ZNF92: variants seen among roughly 807,000 people sequenced by gnomAD.
ZNF92 encodes zinc finger protein 92.
In ZNF92, 11 loss-of-function variants were observed where a neutral mutation model predicts 12.4. The ratio of observed to expected loss-of-function variants is 0.89; its 90% CI spans 0.56 to 1.47. ZNF92 has a LOEUF of 1.47. ZNF92 is among the 40% of genes most tolerant of loss of function. The probability of loss-of-function intolerance (pLI) is 0.00; values close to 1 mark genes in which losing one functional copy is unlikely to be tolerated. For missense variants in ZNF92, 622 were observed against 681.0 expected (o/e 0.91, Z 0.96); for synonymous variants, 206 against 228.6 (o/e 0.90, Z 0.89).
At chr7:65,392,826 C>A (rs143550689) in intron 3 of ZNF92, among the ~76,000 whole-genome samples, 1 of 151,952 alleles carries the variant, frequency 6.6e-6, no homozygotes, top group African/African-American at 2.4e-5. Flanking sequence ...AGTGAGCCAC[C>A]GTGCCCGGCC....
intron 1 of ZNF92, among the ~76,000 whole-genome samples, chr7:65,377,367 TAGA>T (rs1048981078): frequency 6.6e-6 from 1 of 151,826 alleles, no homozygotes; most frequent in Non-Finnish European, 1.5e-5. Flanking sequence ...ACCCCAGCCA[TAGA>T]AGAAGTCTTT....
Position 65,400,042 on chromosome 7 carries a change from GC to G in ZNF92, c.*168del, listed in dbSNP as rs1793971197. On this transcript the variant is annotated 3_prime_UTR_variant, in exon 4 of 4. Coordinates refer to ENST00000328747, the MANE Select transcript of ZNF92 (RefSeq NM_152626.4). ...AAATCCTCCAAGTATGAAGAATGTG[GC>G]AAACTTTTAACCAATCCTCACACCT... is the stretch of plus-strand genomic sequence containing the variant. 1 of 622,854 alleles carries G rather than the reference GC, an allele frequency of 1.6e-6. No homozygotes were observed. The highest frequency in any genetic ancestry group is 2.6e-6 in the Non-Finnish European group (1 of 386,338). The allele number at this position is 622,854 out of a possible 1,614,324, so 38.6% of individuals were successfully genotyped here.
At chr7:65,382,275 A>T (rs1205234371) in intron 1 of ZNF92, among the ~76,000 whole-genome samples, 1 of 152,036 alleles carries the variant, frequency 6.6e-6, no homozygotes, top group African/African-American at 2.4e-5. Flanking sequence ...TAATTGTGTA[A>T]TAAAACAGTT....
Position 65,398,347 on chromosome 7 carries a change from G to A in ZNF92, c.233G>A (p.Cys78Tyr), listed in dbSNP as rs754815456. 1 of 1,544,638 alleles carries A rather than the reference G, an allele frequency of 6.5e-7. No individual in the cohort carries two copies. Among genetic ancestry groups the A allele is most frequent in the East Asian group, 2.3e-5 (1 of 44,220 alleles). The change falls in exon 4 of 4, where the codon TGT becomes TAT. Residue 78 changes from cysteine (C) to tyrosine (Y), a missense_variant. Cys to Tyr is a radical substitution (Grantham distance 194, BLOSUM62 -2). Coordinates refer to ENST00000328747, the MANE Select transcript of ZNF92 (RefSeq NM_152626.4). The stretch of plus-strand genomic sequence containing the variant: ...TTATTTTTATTTTTTTCAGTTATGT[G>A]TTCTCATTTTGCCCAAGATGTTTGG... The part of the protein sequence containing the change: ...HEMVDKTPVM[C>Y]SHFAQDVWPE...
At chr7:65,374,120 T>C in intron 1 of ZNF92, 120 bp downstream of exon 1, 5 of 1,397,952 alleles carry the variant, frequency 3.6e-6, no homozygotes, top group Non-Finnish European at 5.0e-6. Flanking sequence ...CGGCCCGAGT[T>C]CTCCTTGGCG....
In ZNF92 at chr7:65,373,920, C is replaced by CT. The variant is rs1294530469; in HGVS notation, c.-77dup. 1.3e-6 allele frequency: 2 copies of CT among 1,599,610 alleles called. No individual in the cohort carries two copies. The highest frequency in any genetic ancestry group is 2.7e-5 in the African/African-American group (2 of 74,750). On this transcript the variant is annotated 5_prime_UTR_variant, in exon 1 of 4. Transcript: ENST00000328747. ...GCTCTGCGTCCTGTGCTGATAAAGG[C>CT]TCGCCGCTGTGACCCTGTTACCTGC...
chr7:65,374,026 G>C, intron 1 of ZNF92, 26 bp downstream of exon 1: 1 of 1,614,054 alleles, frequency 6.2e-7, no homozygotes, highest in Non-Finnish European at 8.5e-7. Context: ...CCCACATCCC[G>C]AGAGAGGGGG....
rs1401267221 is a variant in ZNF92, at chr7:65,373,978, G to T, written c.-20G>T. 3.1e-6 allele frequency: 5 copies of T among 1,614,028 alleles called. No individual in the cohort carries two copies. The highest frequency in any genetic ancestry group is 4.2e-6 in the Non-Finnish European group (5 of 1,180,018). On this transcript the variant is annotated 5_prime_UTR_variant, in exon 1 of 4. Coordinates refer to ENST00000328747, the MANE Select transcript of ZNF92 (RefSeq NM_152626.4). ...TGGAGGTTCACAGCTAAGACGCCAG[G>T]ACCCCCTGGAAGCCTAGAAATGGTG...
In ZNF92 at chr7:65,400,403, GA is replaced by G. The variant is rs1793982777; in HGVS notation, c.*533del. On this transcript the variant is annotated 3_prime_UTR_variant, in exon 4 of 4. Transcript: ENST00000328747. ...AAACCCTGCAAATGTAATAAATATG[GA>G]AAAACATTTTTTCAAAAACTACAGC... is the stretch of plus-strand genomic sequence containing the variant. The G allele has an allele frequency of 6.6e-6, 1 of 151,888 alleles. No homozygotes were observed. Among genetic ancestry groups the G allele is most frequent in the Non-Finnish European group, 1.5e-5 (1 of 67,916 alleles). 9.4% of individuals were successfully genotyped at this position (151,888 alleles called of 1,614,324 possible).
At chr7:65,380,028 C>T (rs1793363584) in intron 1 of ZNF92, among the ~76,000 whole-genome samples, 1 of 152,016 alleles carries the variant, frequency 6.6e-6, no homozygotes, top group African/African-American at 2.4e-5. Flanking sequence ...CCACCCTCTA[C>T]CCTCAACTAG....
chr7:65,387,110 T>G (rs1793588933), intron 1 of ZNF92, among the ~76,000 whole-genome samples: 1 of 151,524 alleles, frequency 6.6e-6, no homozygotes, highest in South Asian at 2.1e-4. Flanking sequence ...CGGCTAATTT[T>G]TTGTATTTTT....
At chr7:65,380,297 G>T (rs1320516828) in intron 1 of ZNF92, among the ~76,000 whole-genome samples, 3 of 152,002 alleles carry the variant, frequency 2.0e-5, no homozygotes, top group Admixed American at 6.6e-5. Context: ...GTCTCACTCT[G>T]TCGCCCAGGC....
chr7:65,375,714 G>T (rs1043815202), intron 1 of ZNF92, among the ~76,000 whole-genome samples: 1 of 151,812 alleles, frequency 6.6e-6, no homozygotes, highest in Non-Finnish European at 1.5e-5. Flanking sequence ...CAGGCATGGT[G>T]GTGCATGCCT....
chr7:65,376,672 C>G (rs970438220), intron 1 of ZNF92, among the ~76,000 whole-genome samples: 1 of 152,072 alleles, frequency 6.6e-6, no homozygotes, highest in Non-Finnish European at 1.5e-5. Flanking sequence ...GTCTTGAACT[C>G]CTGACCTCGT....
chr7:65,384,052 T>G (rs1016820794), intron 1 of ZNF92, among the ~76,000 whole-genome samples: 7 of 152,146 alleles, frequency 4.6e-5, no homozygotes, highest in Admixed American at 2.0e-4. Context: ...ATCATTTGAA[T>G]GGATGTTTAT....
intron 1 of ZNF92, among the ~76,000 whole-genome samples, chr7:65,382,261 G>A (rs1460445641): frequency 1.3e-5 from 2 of 151,770 alleles, no homozygotes; most frequent in Non-Finnish European, 2.9e-5. Flanking sequence ...GTCACATTCT[G>A]GTGTAATTGT....
intron 1 of ZNF92, among the ~76,000 whole-genome samples, chr7:65,379,360 G>T (rs150739006): frequency 6.6e-6 from 1 of 152,064 alleles, no homozygotes; most frequent in Non-Finnish European, 1.5e-5. Flanking sequence ...CGGAGGCCTG[G>T]CCTGGAATGG....
chr7:65,383,436 A>G (rs1793477777), intron 1 of ZNF92, among the ~76,000 whole-genome samples: 1 of 152,166 alleles, frequency 6.6e-6, no homozygotes, highest in African/African-American at 2.4e-5. Context: ...GAAAATGTAC[A>G]GAAAACCAAG....
chr7:65,387,877 T>TTGTG lies in ZNF92; in HGVS notation c.4-11_4-8dup, dbSNP rs143107154. On this transcript the variant is annotated intron_variant, in intron 1 of 3. Coordinates refer to ENST00000328747, the MANE Select transcript of ZNF92 (RefSeq NM_152626.4). ...GGCCACTTAGTAAACATATGTGTGT[T>TTGTG]TGTGTGTGTGTGTGTGTTTTTCAGG... 13 of 1,524,960 alleles carry TTGTG rather than the reference T, an allele frequency of 8.5e-6. No homozygotes were observed. The South Asian group carries it at 1.1e-4, about 13-fold the overall frequency. The allele number at this position is 1,524,960 out of a possible 1,614,324, so 94.5% of individuals were successfully genotyped here. A position where few individuals can be genotyped will look rare whatever the true frequency, so the allele number is the denominator to read the frequency against.
Sources: gnomAD v4.1 joint callset for allele counts (sites outside exome capture counted in the v4.1 genomes callset) on GRCh38, gnomAD v4.1.1 for gene constraint, MANE v1.5 for transcripts, NCBI Gene and HGNC (gene_info 2026-07-23, HGNC 2026-07-21) for gene names.